VEGFC: variants seen among roughly 807,000 people sequenced by gnomAD.
The protein encoded by VEGFC is vascular endothelial growth factor C.
In VEGFC, 12 loss-of-function variants were observed where a neutral mutation model predicts 46.1. The observed-to-expected ratio is 0.26, with a 90% CI of 0.17 to 0.42. The LOEUF (loss-of-function observed/expected upper bound fraction) is 0.42, where lower values mean the gene tolerates loss of function less well. VEGFC is among the 10% of genes least tolerant of loss of function. VEGFC has a pLI of 1.00. For missense variants in VEGFC, 488 were observed against 529.4 expected (o/e 0.92, Z 0.77); for synonymous variants, 232 against 195.5 (o/e 1.19, Z -1.56).
intron 3 of VEGFC, among the ~76,000 whole-genome samples, chr4:176,727,261 G>A (rs906649012): frequency 1.3e-5 from 2 of 152,126 alleles, no homozygotes; most frequent in African/African-American, 4.8e-5. Context: ...CTGAGATTTA[G>A]TGTCAGAGTT....
Position 176,711,624 on chromosome 4 carries a change from A to G in VEGFC, c.579T>C (p.Ser193=). The G allele has an allele frequency of 1.9e-6, 3 of 1,613,608 alleles. No individual in the cohort carries two copies. Among genetic ancestry groups the G allele is most frequent in the Non-Finnish European group, 2.5e-6 (3 of 1,179,706 alleles). Residue 193 remains serine, a synonymous_variant, in exon 4 of 7, where the codon TCT becomes TCC. Coordinates refer to ENST00000618562, the MANE Select transcript of VEGFC (RefSeq NM_005429.5). ...TGATTGTTACTGGTTTGGGGCCTTG[A>G]GAGAGAGGCACTGTAATTTCAAATA... ...KTLFEITVPL[S]QGPKPVTISF...
intron 1 of VEGFC, among the ~76,000 whole-genome samples, chr4:176,771,449 T>C (rs775620235): frequency 6.6e-6 from 1 of 152,168 alleles, no homozygotes; most frequent in African/African-American, 2.4e-5. Flanking sequence ...TGATTATGAA[T>C]TTGAATAATA....
chr4:176,716,698 C>T (rs1429402990), intron 3 of VEGFC, among the ~76,000 whole-genome samples: 1 of 151,140 alleles, frequency 6.6e-6, no homozygotes, highest in African/African-American at 2.4e-5. Flanking sequence ...TCTGAAATAC[C>T]AAATAGCTTA....
At chr4:176,772,605 TA>T (rs1026986745) in intron 1 of VEGFC, among the ~76,000 whole-genome samples, 5 of 152,230 alleles carry the variant, frequency 3.3e-5, no homozygotes, top group Non-Finnish European at 5.9e-5. Context: ...GTTGGAAATT[TA>T]ATCCCCAATG....
intron 4 of VEGFC, among the ~76,000 whole-genome samples, chr4:176,694,743 A>C (rs1310072670): frequency 7.0e-6 from 1 of 143,278 alleles, no homozygotes; most frequent in African/African-American, 2.8e-5. Context: ...AGCTCTCCTC[A>C]GCAAATGTAA....
In VEGFC at chr4:176,716,615, A is replaced by G. The variant is rs1294892735; in HGVS notation, c.553-4965T>C. Reference sequence around the variant, plus strand: ...AAAAAAAAAAAAAAAAAGAAAAAGAAAAAAAAAGAGACCTCACGGTGAGGG... The same window carrying G: ...AAAAAAAAAAAAAAAAAGAAAAAGAGAAAAAAAGAGACCTCACGGTGAGGG... On this transcript the variant is annotated intron_variant, in intron 3 of 6. Transcript: ENST00000618562. Among the ~76,000 whole-genome samples, 3 of 150,728 alleles carry G rather than the reference A, an allele frequency of 2.0e-5. No individual in the cohort carries two copies. The East Asian group carries it at 6.0e-4, about 30-fold the overall frequency.
intron 4 of VEGFC, 80 bp downstream of exon 4, chr4:176,711,419 A>G: frequency 2.1e-6 from 3 of 1,454,292 alleles, no homozygotes; most frequent in South Asian, 1.5e-5. Context: ...CACAGAGGTT[A>G]TTTGTTTAAC....
At chr4:176,758,134 T>C (rs1049493880) in intron 1 of VEGFC, among the ~76,000 whole-genome samples, 67 of 152,270 alleles carry the variant, frequency 4.4e-4, no homozygotes, top group African/African-American at 1.6e-3. Flanking sequence ...AGAGAAGTTA[T>C]TTAGACATAG....
intron 1 of VEGFC, among the ~76,000 whole-genome samples, chr4:176,778,096 T>C (rs1735845273): frequency 6.6e-6 from 1 of 152,190 alleles, no homozygotes. Flanking sequence ...TGGTATCTTT[T>C]CTGTTTATAG....
At chr4:176,702,746 C>T (rs1258374686) in intron 4 of VEGFC, among the ~76,000 whole-genome samples, 2 of 152,006 alleles carry the variant, frequency 1.3e-5, no homozygotes, top group Non-Finnish European at 2.9e-5. Flanking sequence ...GTCTATTTGA[C>T]ATCACTCTCT....
At chr4:176,778,852 A>G (rs1735860527) in intron 1 of VEGFC, among the ~76,000 whole-genome samples, 1 of 152,104 alleles carries the variant, frequency 6.6e-6, no homozygotes, top group Non-Finnish European at 1.5e-5. Flanking sequence ...TAAACTCGAG[A>G]TATTCCCCCT....
At chr4:176,746,326 A>G (rs1403867993) in intron 1 of VEGFC, among the ~76,000 whole-genome samples, 1 of 151,936 alleles carries the variant, frequency 6.6e-6, no homozygotes, top group African/African-American at 2.4e-5. Context: ...ACTTATTTTT[A>G]AGAAAACACA....
rs146186849 is a variant in VEGFC at position 176,766,473 on chromosome 4, G to C, written c.147+25692C>G. ...GTAGTGGTGAGTACCTGTAGTCCCA[G>C]GTACTCAGGAGACTGAGGTGGGAGG... is the stretch of plus-strand genomic sequence containing the variant. On this transcript the variant is annotated intron_variant, in intron 1 of 6. Transcript: ENST00000618562. 2.0e-3 allele frequency among the ~76,000 whole-genome samples: 308 copies of C among 152,004 alleles called. 1 individual carries two copies. The highest frequency in any genetic ancestry group is 7.0e-3 in the African/African-American group (291 of 41,466).
chr4:176,787,066 T>G (rs1736016121), intron 1 of VEGFC, among the ~76,000 whole-genome samples: 5 of 152,116 alleles, frequency 3.3e-5, no homozygotes, highest in African/African-American at 9.7e-5. Flanking sequence ...TACATTACTA[T>G]TTTCCCAGTG....
intron 1 of VEGFC, among the ~76,000 whole-genome samples, chr4:176,753,630 A>G (rs1735376524): frequency 6.6e-6 from 1 of 152,108 alleles, no homozygotes; most frequent in African/African-American, 2.4e-5. Context: ...TTAATAGTCC[A>G]CTAAAGTGCT....
At chr4:176,770,222 T>G (rs2110925716) in intron 1 of VEGFC, among the ~76,000 whole-genome samples, 1 of 152,318 alleles carries the variant, frequency 6.6e-6, no homozygotes, top group African/African-American at 2.4e-5. Flanking sequence ...CAGGCTAACT[T>G]CTTTCCACAG....
At chr4:176,714,696 C>T (rs1488812357) in intron 3 of VEGFC, among the ~76,000 whole-genome samples, 1 of 152,150 alleles carries the variant, frequency 6.6e-6, no homozygotes, top group African/African-American at 2.4e-5. Context: ...CCAGATTCTG[C>T]CCCAGCCTGT....
Position 176,792,183 on chromosome 4 carries a change from G to T in VEGFC, c.129C>A (p.Pro43=), listed in dbSNP as rs201300375. ...GACCTACCGTGGCCTCGCCCGCGTC[G>T]GGCTCCGCGTCCGAGAGGTCGAGTC... ...ESGLDLSDAE[P]DAGEATAYAS... is the part of the protein sequence containing the mutation. Residue 43 remains proline (P), a synonymous_variant, in exon 1 of 7, where the codon CCC becomes CCA. Coordinates refer to ENST00000618562, the MANE Select transcript of VEGFC (RefSeq NM_005429.5). The surrounding 1 kb of genome is among the most constrained non-coding windows in gnomAD (Gnocchi z 6.3). The T allele has an allele frequency of 6.6e-7, 1 of 1,521,678 alleles. No individual in the cohort carries two copies. The highest frequency in any genetic ancestry group is 2.2e-5 in the Admixed American group (1 of 45,184). The allele number at this position is 1,521,678 out of a possible 1,614,324, so 94.3% of individuals were successfully genotyped here.
At chr4:176,782,817 TTC>T (rs1735939635) in intron 1 of VEGFC, among the ~76,000 whole-genome samples, 1 of 151,358 alleles carries the variant, frequency 6.6e-6, no homozygotes, top group Admixed American at 6.6e-5. Flanking sequence ...AGAAAAAAAA[TTC>T]TGTTTAAAAA....
Sources: allele counts gnomAD v4.1 joint callset (sites outside exome capture counted in the v4.1 genomes callset), GRCh38; gene constraint gnomAD v4.1.1; non-coding constraint Gnocchi (gnomAD v3.1); transcripts MANE v1.5; gene names NCBI Gene and HGNC (gene_info 2026-07-23, HGNC 2026-07-21).